The following AUH variants were observed in gnomAD, a reference collection of about 807,000 sequenced individuals.
AUH encodes the protein AU RNA binding methylglutaconyl-CoA hydratase, also known as methylglutaconyl-CoA hydratase, mitochondrial.
A neutral mutation model predicts 42.3 loss-of-function variants in AUH; 29 were observed. The ratio of observed to expected loss-of-function variants is 0.69; its 90% CI spans 0.51 to 0.93. The LOEUF is 0.93. AUH is among the 40% of genes least tolerant of loss of function. The pLI is 0.00. For synonymous variants in AUH, 174 were observed against 166.4 expected (o/e 1.05, Z -0.35); for missense variants, 452 against 438.1 (o/e 1.03, Z -0.28).
At chr9:91,232,480 G>A (rs1434519513) in intron 6 of AUH, among the ~76,000 whole-genome samples, 1 of 151,986 alleles carries the variant, frequency 6.6e-6, no homozygotes, top group Non-Finnish European at 1.5e-5. Context: ...ACCTTCCTAG[G>A]GGTAGTAAAT....
chr9:91,269,083 C>T (rs1431635813), intron 6 of AUH, among the ~76,000 whole-genome samples: 7 of 152,018 alleles, frequency 4.6e-5, no homozygotes, highest in Non-Finnish European at 8.8e-5. Context: ...TGGGTTCAAA[C>T]GATTCTTCTG....
At chr9:91,215,781 A>G (rs1436306191) in intron 9 of AUH, among the ~76,000 whole-genome samples, 2 of 152,212 alleles carry the variant, frequency 1.3e-5, no homozygotes, top group Non-Finnish European at 2.9e-5. Flanking sequence ...ATCCCACAAA[A>G]GAAAGCATAA....
intron 4 of AUH, among the ~76,000 whole-genome samples, chr9:91,303,548 T>A (rs190509601): frequency 1.3e-5 from 2 of 152,258 alleles, no homozygotes; most frequent in East Asian, 3.9e-4. Flanking sequence ...GCCAGGATGG[T>A]CTCAATCTGA....
chr9:91,249,310 A>AG (rs1293035839), intron 6 of AUH, among the ~76,000 whole-genome samples: 15 of 150,356 alleles, frequency 1.0e-4, no homozygotes, highest in Non-Finnish European at 2.2e-4. Flanking sequence ...AAAAAAAAAA[A>AG]AAAAAAAAAA....
chr9:91,313,434 G>A (rs1299623494), intron 4 of AUH, among the ~76,000 whole-genome samples: 1 of 151,978 alleles, frequency 6.6e-6, no homozygotes, highest in Non-Finnish European at 1.5e-5. Context: ...GGCCGGGCGC[G>A]GTGGCTCACG....
At chr9:91,232,426 T>C (rs551435800) in intron 6 of AUH, among the ~76,000 whole-genome samples, 6 of 152,218 alleles carry the variant, frequency 3.9e-5, no homozygotes, top group Admixed American at 1.3e-4. Flanking sequence ...AAATATACAA[T>C]TATTTGTCAG....
intron 6 of AUH, among the ~76,000 whole-genome samples, chr9:91,237,528 C>CA (rs1828257397): frequency 6.6e-6 from 1 of 152,158 alleles, no homozygotes; most frequent in Non-Finnish European, 1.5e-5. Flanking sequence ...CACTAGTTTT[C>CA]AAAATTACAA....
At chr9:91,254,030 T>C (rs185344919) in intron 6 of AUH, among the ~76,000 whole-genome samples, 27 of 152,192 alleles carry the variant, frequency 1.8e-4, no homozygotes, top group Non-Finnish European at 1.6e-4. Context: ...GAAATAAAAC[T>C]AATGTCCTTT....
chr9:91,339,320 A>G (rs1159806620), intron 3 of AUH, among the ~76,000 whole-genome samples: 1 of 152,246 alleles, frequency 6.6e-6, no homozygotes, highest in Non-Finnish European at 1.5e-5. Context: ...TCATTAAGTG[A>G]GGGACTGTAC....
intron 6 of AUH, among the ~76,000 whole-genome samples, chr9:91,285,551 C>G (rs1330658716): frequency 6.8e-6 from 1 of 147,694 alleles, no homozygotes; most frequent in Non-Finnish European, 1.5e-5. Context: ...CCCTGTTTGA[C>G]TACAACAACA....
chr9:91,352,369 GTA>G (rs986603161), intron 3 of AUH, among the ~76,000 whole-genome samples: 1 of 151,718 alleles, frequency 6.6e-6, no homozygotes, highest in African/African-American at 2.4e-5. Flanking sequence ...CTGTATTTGT[GTA>G]TATATATACA....
intron 6 of AUH, 69 bp downstream of exon 6, chr9:91,295,949 CATG>C: frequency 6.5e-7 from 1 of 1,538,824 alleles, no homozygotes; most frequent in East Asian, 2.3e-5. Flanking sequence ...TTCCAATTAA[CATG>C]ATTTTGCCTT....
At chr9:91,266,287 G>A (rs535456212) in intron 6 of AUH, among the ~76,000 whole-genome samples, 236 of 151,998 alleles carry the variant, frequency 1.6e-3, no homozygotes, top group African/African-American at 5.1e-3. Flanking sequence ...GCTTGAACCT[G>A]GGAGGCAGAG....
chr9:91,294,164 G>C (rs1216779513), intron 6 of AUH, among the ~76,000 whole-genome samples: 1 of 152,228 alleles, frequency 6.6e-6, no homozygotes, highest in African/African-American at 2.4e-5. Context: ...GACAGAGACA[G>C]ACAAGGAGAT....
At chr9:91,258,788 A>G (rs1326862345) in intron 6 of AUH, among the ~76,000 whole-genome samples, 1 of 152,168 alleles carries the variant, frequency 6.6e-6, no homozygotes, top group Non-Finnish European at 1.5e-5. Context: ...ATTCTGTCCA[A>G]TGCTTTTTCT....
intron 3 of AUH, among the ~76,000 whole-genome samples, chr9:91,333,447 A>C (rs980585061): frequency 1.3e-5 from 2 of 152,338 alleles, no homozygotes; most frequent in African/African-American, 4.8e-5. Context: ...TTTTCATTAC[A>C]AGTATTATTA....
chr9:91,325,241 A>T, intron 4 of AUH, 77 bp downstream of exon 4: 1 of 1,143,936 alleles, frequency 8.7e-7, no homozygotes, highest in Non-Finnish European at 1.3e-6. Context: ...CAATGCTTAT[A>T]TATAATGTGT....
intron 6 of AUH, among the ~76,000 whole-genome samples, chr9:91,264,310 T>C (rs1353908946): frequency 6.6e-6 from 1 of 152,162 alleles, no homozygotes; most frequent in Non-Finnish European, 1.5e-5. Context: ...AGCCTGACCT[T>C]CCCCTACAAA....
chr9:91,236,064 A>G (rs1009288952), intron 6 of AUH, among the ~76,000 whole-genome samples: 1 of 152,238 alleles, frequency 6.6e-6, no homozygotes, highest in Non-Finnish European at 1.5e-5. Flanking sequence ...TACCAAGAAC[A>G]TCAGGAAGTA....
Sources: gnomAD v4.1 joint callset for allele counts (sites outside exome capture counted in the v4.1 genomes callset) on GRCh38, gnomAD v4.1.1 for gene constraint, MANE v1.5 for transcripts, NCBI Gene and HGNC (gene_info 2026-07-23, HGNC 2026-07-21) for gene names.